The following COTL1 variants were observed in gnomAD, a reference collection of about 807,000 sequenced individuals.
The protein encoded by COTL1 is coactosin-like protein.
COTL1 carries 15 observed loss-of-function variants against 16.5 expected under a neutral mutation model. The ratio of observed to expected loss-of-function variants is 0.91; its 90% confidence interval spans 0.61 to 1.40. The LOEUF (loss-of-function observed/expected upper bound fraction) is 1.40, where lower values mean the gene tolerates loss of function less well. COTL1 is among the 40% of genes most tolerant of loss of function. The pLI, the probability that COTL1 is intolerant of heterozygous loss-of-function variation, is 0.00. For missense variants in COTL1, 220 were observed against 201.5 expected (o/e 1.09, Z -0.56); for synonymous variants, 112 against 85.3 (o/e 1.31, Z -1.73).
chr16:84,603,303 G>A (rs905342547), intron 2 of COTL1, among the ~76,000 whole-genome samples: 4 of 152,164 alleles, frequency 2.6e-5, no homozygotes, highest in East Asian at 1.9e-4. Flanking sequence ...TGCAACATCC[G>A]AGGCAGAACC....
At chr16:84,599,208 G>C (rs1418867448) in intron 2 of COTL1, among the ~76,000 whole-genome samples, 1 of 152,072 alleles carries the variant, frequency 6.6e-6, no homozygotes, top group African/African-American at 2.4e-5. Context: ...TTGACTGGGG[G>C]CCTCTGCCTT....
At chr16:84,614,151 G>A (rs78039062) in intron 2 of COTL1, among the ~76,000 whole-genome samples, 3,809 of 152,326 alleles carry the variant, frequency 0.025, 161 homozygotes, top group African/African-American at 0.086. Flanking sequence ...TGGATTTTCT[G>A]CTTACATTAA....
rs200867929 is a variant in COTL1 at position 84,566,932 on chromosome 16, G to C, written c.342C>G (p.Ile114Met). ...CTTCCTCCAGCTCCTTCCGATCACT[G>C]ATCACAAACTCCTTAGCGAAATTCT... ...VVQNFAKEFV[I>M]SDRKELEEDF... is the part of the protein sequence containing the mutation. Residue 114 changes from isoleucine to methionine, a missense_variant, in exon 4 of 4, where the codon ATC becomes ATG. Physicochemically the swap from Ile to Met is conservative, Grantham distance 10. Coordinates refer to ENST00000262428, the MANE Select transcript of COTL1 (RefSeq NM_021149.5). 3.1e-6 allele frequency: 5 copies of C among 1,613,638 alleles called. No homozygotes were observed. The highest frequency in any genetic ancestry group is 4.2e-6 in the Non-Finnish European group (5 of 1,179,626).
chr16:84,615,868 T>G (rs1489777495), intron 2 of COTL1: 1 of 151,480 alleles, frequency 6.6e-6, no homozygotes, highest in East Asian at 2.0e-4. Context: ...TGTGTGTGTG[T>G]GTGTGTGTGC....
intron 3 of COTL1, among the ~76,000 whole-genome samples, chr16:84,570,801 C>T (rs1203064948): frequency 1.3e-5 from 2 of 152,112 alleles, no homozygotes; most frequent in Admixed American, 6.6e-5. Context: ...TCCAGCAATC[C>T]GATTACTGCC....
chr16:84,598,535 T>C (rs1359388736), intron 2 of COTL1, among the ~76,000 whole-genome samples: 2 of 152,044 alleles, frequency 1.3e-5, no homozygotes, highest in East Asian at 1.9e-4. Context: ...TGTTACATGC[T>C]CTTTTCTCTG....
chr16:84,587,996 T>G (rs1232005669), intron 3 of COTL1, among the ~76,000 whole-genome samples: 1 of 152,042 alleles, frequency 6.6e-6, no homozygotes, highest in Non-Finnish European at 1.5e-5. Context: ...GGTCTCAAAC[T>G]CCTGACCTTA....
rs1471340096 is a variant in COTL1 at position 84,565,843 on chromosome 16, C to G, written c.*1002G>C. On this transcript the variant is annotated 3_prime_UTR_variant, in exon 4 of 4. Transcript: ENST00000262428. ...ACTGAAGCCACAGGCTTTTGGGGTG[C>G]TGTGAGCCCAGGGCTTTGCTCAGCT... The G allele has an allele frequency of 6.6e-6, 1 of 152,278 alleles. No homozygotes were observed. The allele number at this position is 152,278 out of a possible 1,614,324, so 9.4% of individuals were successfully genotyped here.
chr16:84,570,147 G>A (rs552553727), intron 3 of COTL1, among the ~76,000 whole-genome samples: 13 of 152,220 alleles, frequency 8.5e-5, no homozygotes, highest in Admixed American at 4.6e-4. Flanking sequence ...GTAGTGGCGC[G>A]AGCCTGTAAT....
intron 2 of COTL1, among the ~76,000 whole-genome samples, chr16:84,610,232 A>C (rs1045393798): frequency 1.3e-5 from 2 of 152,120 alleles, no homozygotes; most frequent in African/African-American, 4.8e-5. Flanking sequence ...TAACCTGGAG[A>C]CTATGGCCAG....
At chr16:84,572,453 C>T (rs1904354432) in intron 3 of COTL1, among the ~76,000 whole-genome samples, 1 of 152,198 alleles carries the variant, frequency 6.6e-6, no homozygotes, top group African/African-American at 2.4e-5. Context: ...TGCGGACACA[C>T]ACAGAATGTT....
chr16:84,613,095 G>T (rs1905374720), intron 2 of COTL1, among the ~76,000 whole-genome samples: 2 of 151,684 alleles, frequency 1.3e-5, no homozygotes, highest in African/African-American at 4.8e-5. Flanking sequence ...CTGCCTCCTG[G>T]GTTCAAGTGA....
At chr16:84,589,036 T>C (rs1021060717) in intron 3 of COTL1, among the ~76,000 whole-genome samples, 1 of 152,142 alleles carries the variant, frequency 6.6e-6, no homozygotes, top group African/African-American at 2.4e-5. Context: ...AGTGGTGCGA[T>C]CATGGCTCAC....
At chr16:84,568,325 A>G (rs796638678) in intron 3 of COTL1, 15 of 152,362 alleles carry the variant, frequency 9.8e-5, no homozygotes, top group African/African-American at 3.6e-4. Context: ...ACTTATGTGT[A>G]CCAGCACAGT....
At chr16:84,586,811 G>A (rs139695793) in intron 3 of COTL1, among the ~76,000 whole-genome samples, 1 of 151,978 alleles carries the variant, frequency 6.6e-6, no homozygotes, top group Admixed American at 6.6e-5. Flanking sequence ...GGCTGGTCTC[G>A]AACTCCTGAC....
intron 3 of COTL1, among the ~76,000 whole-genome samples, chr16:84,581,261 C>G (rs1173365464): frequency 1.3e-5 from 2 of 152,190 alleles, no homozygotes; most frequent in African/African-American, 4.8e-5. Context: ...CAAAAAGGCC[C>G]TTCTGGTTAT....
chr16:84,570,565 T>A (rs1366167152), intron 3 of COTL1, among the ~76,000 whole-genome samples: 1 of 151,828 alleles, frequency 6.6e-6, no homozygotes, highest in Non-Finnish European at 1.5e-5. Context: ...GATTCCAAGT[T>A]ATACAAACAA....
intron 3 of COTL1, 175 bp from the exon 4 acceptor site, chr16:84,567,130 TG>T: frequency 1.7e-6 from 1 of 579,112 alleles, no homozygotes; most frequent in Admixed American, 2.6e-5. Flanking sequence ...CAATGGAAAT[TG>T]AACAGCAGAG....
At position 84,617,469 on chromosome 16, in the gene COTL1, C is replaced by T; in HGVS notation, c.160+32G>A. On this transcript the variant is annotated intron_variant, in intron 2 of 3. Transcript: ENST00000262428. ...CGGGTGCAGACAACCTCCCAACGAC[C>T]GCGCATCCGCCCGGCAGGCGCGCCT... is the stretch of plus-strand genomic sequence containing the variant. 3.9e-6 allele frequency: 6 copies of T among 1,543,524 alleles called. No individual in the cohort carries two copies. The South Asian group carries it at 7.2e-5, about 18-fold the overall frequency.
Sources: gnomAD v4.1 joint callset for allele counts (sites outside exome capture counted in the v4.1 genomes callset) on GRCh38, gnomAD v4.1.1 for gene constraint, MANE v1.5 for transcripts, NCBI Gene and HGNC (gene_info 2026-07-23, HGNC 2026-07-21) for gene names.